The following CPNE2 variants were observed in gnomAD, a reference collection of about 807,000 sequenced individuals.
CPNE2 encodes the protein copine-2.
Under a neutral mutation model 69.7 loss-of-function variants are expected in CPNE2, and 42 were observed. That is an observed-to-expected ratio of 0.60 (90% CI 0.47 to 0.78). The LOEUF is 0.78. CPNE2 is among the 30% of genes least tolerant of loss of function. The probability of loss-of-function intolerance (pLI) is 0.00; values close to 1 mark genes in which losing one functional copy is unlikely to be tolerated. For synonymous variants in CPNE2, 294 were observed against 289.8 expected, an observed-to-expected ratio of 1.01 and a Z score of -0.15; for missense variants, 587 against 732.0, an observed-to-expected ratio of 0.80 and a Z score of 2.29.
At chr16:57,123,351 A>T (rs2069776580) in intron 9 of CPNE2, 63 bp from the exon 10 acceptor site, 1 of 1,523,908 alleles carries the variant, frequency 6.6e-7, no homozygotes, top group Non-Finnish European at 9.1e-7. Context: ...ATAGAGCAAC[A>T]ACTCCCCCAT....
intron 5 of CPNE2, among the ~76,000 whole-genome samples, chr16:57,117,986 T>G (rs934752153): frequency 6.6e-6 from 1 of 152,122 alleles, no homozygotes; most frequent in African/African-American, 2.4e-5. Flanking sequence ...GCTTTGCACT[T>G]GCTGTTCCCT....
At position 57,119,375 on chromosome 16, in the gene CPNE2, T is replaced by A; in HGVS notation, c.591+97T>A. The A allele has an allele frequency of 3.0e-6, 4 of 1,346,144 alleles. No homozygotes were observed. The South Asian group carries it at 4.7e-5, about 16-fold the overall frequency. 83.4% of individuals were successfully genotyped at this position (1,346,144 alleles called of 1,614,324 possible). A position where few individuals can be genotyped will look rare whatever the true frequency, so the allele number is the denominator to read the frequency against. On this transcript the variant is annotated intron_variant, in intron 6 of 15. Coordinates refer to ENST00000290776, the MANE Select transcript of CPNE2 (RefSeq NM_152727.6). The stretch of plus-strand genomic sequence containing the variant: ...GGGAGGTGCGGTCACAGCCGCTCAG[T>A]GTGCAGGAAAACCCACAGTGGCACC...
Position 57,110,904 on chromosome 16 carries a change from C to A in CPNE2, c.162C>A (p.Asn54Lys). ...SDPFCVLFTE[N>K]NGRWIEYDRT... ...CCTTCTGTGTCCTCTTTACAGAGAA[C>A]AATGGCAGATGGATCGAGGTGAGGC... Residue 54 changes from asparagine (N) to lysine (K), a missense_variant, in exon 2 of 16, where the codon AAC becomes AAA. Coordinates refer to ENST00000290776, the MANE Select transcript of CPNE2 (RefSeq NM_152727.6). 6.2e-7 allele frequency: 1 copy of A among 1,611,824 alleles called. No homozygotes were observed. The highest frequency in any genetic ancestry group is 1.3e-5 in the African/African-American group (1 of 74,814).
chr16:57,107,475 C>T (rs1468844824), intron 1 of CPNE2, among the ~76,000 whole-genome samples: 1 of 152,222 alleles, frequency 6.6e-6, no homozygotes, highest in East Asian at 1.9e-4. Flanking sequence ...CAGACCGGGG[C>T]TTGCAGGGGA....
intron 10 of CPNE2, chr16:57,124,571 G>A (rs2069786942): frequency 3.0e-6 from 1 of 333,236 alleles, no homozygotes; most frequent in South Asian, 2.2e-5. Flanking sequence ...ATCATTTCTC[G>A]TTGGAAGAAT....
rs2069867503 is a variant in CPNE2 at position 57,134,935 on chromosome 16, TC to T, written c.1168+114del. On this transcript the variant is annotated intron_variant, in intron 13 of 15. Transcript: ENST00000290776. ...GTTTTCATTTCTTTCTCCTTTCCCCTCCCCCTTACTGTTGCTCAGAGTGACA... is the reference window on the plus strand; with the variant it reads ...GTTTTCATTTCTTTCTCCTTTCCCCTCCCCTTACTGTTGCTCAGAGTGACA... 4 of 1,171,936 alleles carry T rather than the reference TC, an allele frequency of 3.4e-6. No homozygotes were observed. In the South Asian group the frequency reaches 3.8e-5, roughly 11 times the overall value. 72.6% of individuals were successfully genotyped at this position (1,171,936 alleles called of 1,614,324 possible).
At chr16:57,101,619 GC>G (rs2069614228) in intron 1 of CPNE2, among the ~76,000 whole-genome samples, 1 of 152,222 alleles carries the variant, frequency 6.6e-6, no homozygotes, top group East Asian at 1.9e-4. Flanking sequence ...CTACACTAGA[GC>G]CATCCCTGGG....
At chr16:57,104,211 C>G (rs2069634165) in intron 1 of CPNE2, among the ~76,000 whole-genome samples, 1 of 152,220 alleles carries the variant, frequency 6.6e-6, no homozygotes, top group Non-Finnish European at 1.5e-5. Flanking sequence ...AGCCACCACG[C>G]CCGGCCGGAA....
At chr16:57,140,032 A>C (rs1393235086) in intron 14 of CPNE2, among the ~76,000 whole-genome samples, 1 of 152,162 alleles carries the variant, frequency 6.6e-6, no homozygotes, top group Non-Finnish European at 1.5e-5. Flanking sequence ...GGGAACAGGA[A>C]GCGCAGGGCG....
Position 57,110,702 on chromosome 16 carries a change from C to A in CPNE2, c.-35-6C>A. 2 of 1,545,960 alleles carry A rather than the reference C, an allele frequency of 1.3e-6. No individual in the cohort carries two copies. The highest frequency in any genetic ancestry group is 2.4e-5 in the South Asian group (2 of 82,894). ...CACTCTCTGACCCTCACTTCTGTTC[C>A]CCTAGACTGCCAGGAACTCCTGCCA... On this transcript the variant is annotated splice_polypyrimidine_tract_variant and splice_region_variant and intron_variant, in intron 1 of 15. Transcript: ENST00000290776.
Position 57,114,536 on chromosome 16 carries a change from C to T in CPNE2, c.361-940C>T, listed in dbSNP as rs142830789. On this transcript the variant is annotated intron_variant, in intron 3 of 15. Coordinates refer to ENST00000290776, the MANE Select transcript of CPNE2 (RefSeq NM_152727.6). ...GCCAGAGGGCAAAAGAGCCAGGTGG[C>T]ACAGTCCCCAGGGCACAGAGCAGGT... 7.5e-3 allele frequency among the ~76,000 whole-genome samples: 1,141 copies of T among 152,318 alleles called. 17 individuals carry two copies. The highest frequency in any genetic ancestry group is 0.026 in the African/African-American group (1,098 of 41,558).
intron 12 of CPNE2, among the ~76,000 whole-genome samples, chr16:57,134,133 C>A (rs1460462231): frequency 1.3e-5 from 2 of 152,188 alleles, no homozygotes; most frequent in East Asian, 1.9e-4. Context: ...CCCGGAGTGT[C>A]CGGGTCAGTC....
In CPNE2 at chr16:57,113,196, T is replaced by C. The variant is rs560386833; in HGVS notation, c.181-92T>C. 2.9e-5 allele frequency: 34 copies of C among 1,183,216 alleles called. 1 individual carries two copies. Among genetic ancestry groups the C allele is most frequent in the South Asian group, 2.4e-4 (17 of 71,766 alleles). 73.3% of individuals were successfully genotyped at this position (1,183,216 alleles called of 1,614,324 possible). ...ACAAGAGCCTGGCACAGAGTAGGCATTGTACAAGTTAGCAGAATGATTTCC... is the reference window on the plus strand; with the variant it reads ...ACAAGAGCCTGGCACAGAGTAGGCACTGTACAAGTTAGCAGAATGATTTCC... On this transcript the variant is annotated intron_variant, in intron 2 of 15. Coordinates refer to ENST00000290776, the MANE Select transcript of CPNE2 (RefSeq NM_152727.6).
In CPNE2 at chr16:57,126,040, C is replaced by T. The variant is rs542614224; in HGVS notation, c.1061+47C>T. 3.1e-6 allele frequency: 5 copies of T among 1,608,350 alleles called. No individual in the cohort carries two copies. In the Admixed American group the frequency reaches 6.8e-5, roughly 22 times the overall value. The stretch of plus-strand genomic sequence containing the variant: ...GAAGGTCAGCTAGGGTTCCATCCAA[C>T]CTGGGAAGCTCAGTGTATCAAAGCT... On this transcript the variant is annotated intron_variant, in intron 11 of 15. Transcript: ENST00000290776.
intron 10 of CPNE2, 165 bp downstream of exon 10, chr16:57,123,638 G>C: frequency 1.4e-6 from 1 of 694,138 alleles, no homozygotes; most frequent in Admixed American, 2.4e-5. Context: ...TAAGTGGGCT[G>C]TCTGGTCCTG....
At chr16:57,113,653 C>T (rs542692473) in intron 3 of CPNE2, among the ~76,000 whole-genome samples, 186 bp downstream of exon 3, 1 of 152,328 alleles carries the variant, frequency 6.6e-6, no homozygotes, top group South Asian at 2.1e-4. Flanking sequence ...GGAGAGGCAG[C>T]CAAACAGAAT....
Position 57,136,406 on chromosome 16 carries a change from C to T in CPNE2, c.1169-743C>T, listed in dbSNP as rs573203511. ...TGCGAACGCCTTGATCCCCCAACCA[C>T]GAACAGAAGCCATAGCATGTCCAGA... On this transcript the variant is annotated intron_variant, in intron 13 of 15. Coordinates refer to ENST00000290776, the MANE Select transcript of CPNE2 (RefSeq NM_152727.6). Among the ~76,000 whole-genome samples, 16 of 152,328 alleles carry T rather than the reference C, an allele frequency of 1.1e-4. No homozygotes were observed. In the East Asian group the frequency reaches 1.9e-3, roughly 18 times the overall value.
intron 10 of CPNE2, 190 bp from the exon 11 acceptor site, chr16:57,125,670 G>A (rs1567670365): frequency 1.5e-6 from 1 of 667,776 alleles, no homozygotes; most frequent in East Asian, 2.8e-5. Flanking sequence ...GCAATAGAGA[G>A]CCACAGATGG....
chr16:57,145,847 G>T, intron 14 of CPNE2: 1 of 556,676 alleles, frequency 1.8e-6, no homozygotes, highest in Non-Finnish European at 3.2e-6. Context: ...ACACAGGGCA[G>T]GAGGGGAGAG....
Sources: gnomAD v4.1 joint callset for allele counts (sites outside exome capture counted in the v4.1 genomes callset) on GRCh38, gnomAD v4.1.1 for gene constraint, MANE v1.5 for transcripts, NCBI Gene and HGNC (gene_info 2026-07-23, HGNC 2026-07-21) for gene names.